KDM2A: variants seen among roughly 807,000 people sequenced by gnomAD.
KDM2A encodes the protein lysine demethylase 2A.
Under a neutral mutation model 137.3 loss-of-function variants are expected in KDM2A, and 3 were observed. The ratio of observed to expected loss-of-function variants is 0.02; its 90% CI spans 0.01 to 0.06. The LOEUF is 0.06. KDM2A is among the 10% of genes least tolerant of loss of function. The pLI is 1.00. For synonymous variants in KDM2A, 512 were observed against 541.5 expected (o/e 0.95, Z 0.76); for missense variants, 738 against 1,510.6 (o/e 0.49, Z 8.48).
chr11:67,254,155 A>T lies in KDM2A; in HGVS notation c.3092-48A>T. On this transcript the variant is annotated intron_variant, in intron 19 of 20. Transcript: ENST00000529006. This position sits in a 1 kb window ranked among gnomAD's most constrained non-coding sequence, Gnocchi z 4.7. ...TTGCTGCCTGGAGCCTTGAAGCTGGATTAGAGAATTGAGAGTTTTGATCTA... is the reference window on the plus strand; with the variant it reads ...TTGCTGCCTGGAGCCTTGAAGCTGGTTTAGAGAATTGAGAGTTTTGATCTA... 6.5e-7 allele frequency: 1 copy of T among 1,545,116 alleles called. No individual in the cohort carries two copies. Among genetic ancestry groups the T allele is most frequent in the South Asian group, 1.2e-5 (1 of 84,408 alleles).
chr11:67,188,442 A>C (rs1485500238), intron 5 of KDM2A, among the ~76,000 whole-genome samples: 5 of 151,000 alleles, frequency 3.3e-5, no homozygotes, highest in Non-Finnish European at 5.9e-5. Flanking sequence ...AGATCGCGCC[A>C]CTGCACTCCA....
Position 67,215,959 on chromosome 11 carries a change from T to G in KDM2A, c.687+10T>G, listed in dbSNP as rs185246846. 2 of 1,603,632 alleles carry G rather than the reference T, an allele frequency of 1.2e-6. No homozygotes were observed. Among genetic ancestry groups the G allele is most frequent in the East Asian group, 2.2e-5 (1 of 44,810 alleles). ...CCATCAAGGGGGAAAGGTATGGTCA[T>G]AGTTGTGATAGGGGTTGGAATCTGA... On this transcript the variant is annotated intron_variant, in intron 8 of 20. Coordinates refer to ENST00000529006, the MANE Select transcript of KDM2A (RefSeq NM_012308.3).
intron 5 of KDM2A, among the ~76,000 whole-genome samples, chr11:67,200,208 G>T (rs1464781110): frequency 6.6e-6 from 1 of 151,674 alleles, no homozygotes; most frequent in Non-Finnish European, 1.5e-5. Context: ...GATTAATATT[G>T]TTTGTGTGGT....
rs1023944521 is a variant in KDM2A, at chr11:67,255,582, C to G, written c.*527C>G. 1.1e-5 allele frequency: 5 copies of G among 456,682 alleles called. No individual in the cohort carries two copies. Among genetic ancestry groups the G allele is most frequent in the Admixed American group, 4.7e-5 (2 of 42,558 alleles). The allele number at this position is 456,682 out of a possible 1,614,324, so 28.3% of individuals were successfully genotyped here. On this transcript the variant is annotated 3_prime_UTR_variant, in exon 21 of 21. Transcript: ENST00000529006. ...GAGTCCCAGACCCGTGCCGATCACACTGGTGCTGTTGAGATCTCCCAAACC... is the reference window on the plus strand; with the variant it reads ...GAGTCCCAGACCCGTGCCGATCACAGTGGTGCTGTTGAGATCTCCCAAACC...
intron 1 of KDM2A, among the ~76,000 whole-genome samples, chr11:67,120,833 G>A (rs1322921391): frequency 6.6e-6 from 1 of 152,038 alleles, no homozygotes; most frequent in Non-Finnish European, 1.5e-5. Flanking sequence ...TTACCGGTGA[G>A]AGAGAACTAA....
intron 2 of KDM2A, among the ~76,000 whole-genome samples, chr11:67,129,253 T>C (rs1855796957): frequency 6.6e-6 from 1 of 152,244 alleles, no homozygotes; most frequent in African/African-American, 2.4e-5. Flanking sequence ...GTTTGGTATT[T>C]GGACCATTTA....
intron 12 of KDM2A, among the ~76,000 whole-genome samples, chr11:67,237,920 A>G (rs894026328): frequency 4.8e-5 from 7 of 146,006 alleles, no homozygotes; most frequent in Non-Finnish European, 7.6e-5. Flanking sequence ...ACCCTGTCTG[A>G]AAAAAAAAAA....
At chr11:67,222,675 C>CT (rs1188771784) in intron 10 of KDM2A, among the ~76,000 whole-genome samples, 1 of 138,984 alleles carries the variant, frequency 7.2e-6, no homozygotes, top group African/African-American at 2.7e-5. Context: ...CCTCAAAACT[C>CT]TGTCATTCTT....
chr11:67,158,592 G>A (rs1053145702), intron 2 of KDM2A, among the ~76,000 whole-genome samples: 10 of 152,158 alleles, frequency 6.6e-5, no homozygotes, highest in African/African-American at 2.4e-4. Flanking sequence ...AATTTTGACC[G>A]TTGTGTAGTG....
intron 2 of KDM2A, among the ~76,000 whole-genome samples, chr11:67,157,671 G>A (rs1056436055): frequency 2.6e-5 from 4 of 151,544 alleles, no homozygotes; most frequent in South Asian, 2.1e-4. Context: ...CTGGAACTGG[G>A]GAGGTGGGGT....
chr11:67,126,478 C>T (rs537577377), intron 2 of KDM2A, among the ~76,000 whole-genome samples: 1 of 151,858 alleles, frequency 6.6e-6, no homozygotes, highest in East Asian at 1.9e-4. Context: ...GAGGCTGAGG[C>T]GGGTGGATCA....
At chr11:67,120,244 G>T (rs907271584) in intron 1 of KDM2A, among the ~76,000 whole-genome samples, 195 bp downstream of exon 1, 2 of 152,232 alleles carry the variant, frequency 1.3e-5, no homozygotes, top group African/African-American at 4.8e-5. Flanking sequence ...CGCCCAGGGG[G>T]TGCAAGCACG....
chr11:67,193,783 C>A (rs1259922726), intron 5 of KDM2A, among the ~76,000 whole-genome samples: 2 of 152,212 alleles, frequency 1.3e-5, no homozygotes, highest in African/African-American at 4.8e-5. Flanking sequence ...ACTGCTTGAA[C>A]CCAGGAGCGG....
At chr11:67,154,272 T>C (rs1338639787) in intron 2 of KDM2A, among the ~76,000 whole-genome samples, 1 of 152,224 alleles carries the variant, frequency 6.6e-6, no homozygotes, top group Non-Finnish European at 1.5e-5. Context: ...TTTTAATATA[T>C]AATTGTTTTA....
At chr11:67,130,844 G>A (rs950747423) in intron 2 of KDM2A, among the ~76,000 whole-genome samples, 3 of 151,220 alleles carry the variant, frequency 2.0e-5, no homozygotes, top group African/African-American at 4.9e-5. Context: ...GAAGGTAGAT[G>A]GTATCGTTTT....
intron 5 of KDM2A, among the ~76,000 whole-genome samples, chr11:67,189,299 CAAAG>C (rs1429049410): frequency 6.6e-6 from 1 of 152,098 alleles, no homozygotes; most frequent in Non-Finnish European, 1.5e-5. Context: ...ATCAGTGAAT[CAAAG>C]AAGAAATCAC....
At chr11:67,209,866 G>T (rs1277152108) in intron 6 of KDM2A, among the ~76,000 whole-genome samples, 1 of 152,080 alleles carries the variant, frequency 6.6e-6, no homozygotes, top group African/African-American at 2.4e-5. Flanking sequence ...TTCAAGACCA[G>T]CCTGGTTAAC....
chr11:67,131,131 C>G (rs988649085), intron 2 of KDM2A, among the ~76,000 whole-genome samples: 5 of 152,008 alleles, frequency 3.3e-5, no homozygotes, highest in South Asian at 2.1e-4. Context: ...TCAAGACCAG[C>G]CTGGCCAACA....
chr11:67,240,424 G>C, intron 12 of KDM2A: 2 of 1,451,594 alleles, frequency 1.4e-6, no homozygotes, highest in South Asian at 1.3e-5. Context: ...TAACTATAGG[G>C]ACTTTTGTCT....
Sources: allele counts gnomAD v4.1 joint callset (sites outside exome capture counted in the v4.1 genomes callset), GRCh38; gene constraint gnomAD v4.1.1; non-coding constraint Gnocchi (gnomAD v3.1); transcripts MANE v1.5; gene names NCBI Gene and HGNC (gene_info 2026-07-23, HGNC 2026-07-21).